DPF2: variants seen among roughly 807,000 people sequenced by gnomAD.
DPF2 encodes the protein zinc finger protein ubi-d4.
In DPF2, 10 loss-of-function variants were observed where a neutral mutation model predicts 59.6. The ratio of observed to expected loss-of-function variants is 0.17; its 90% confidence interval spans 0.10 to 0.28. DPF2 has a LOEUF of 0.28. Among genes scored for constraint, DPF2 ranks in the 10% least tolerant of loss-of-function variants. DPF2 has a pLI of 1.00. For synonymous variants in DPF2, 189 were observed against 190.6 expected (o/e 0.99, Z 0.07); for missense variants, 315 against 509.4 (o/e 0.62, Z 3.67).
chr11:65,340,355 A>G (rs373715640), intron 1 of DPF2, 30 bp from the exon 2 acceptor site: 69 of 1,611,696 alleles, frequency 4.3e-5, no homozygotes, highest in Non-Finnish European at 5.8e-5. Context: ...CCGCTCCAAC[A>G]TACACGCCTG....
chr11:65,346,408 T>C, intron 9 of DPF2, 49 bp downstream of exon 9: 1 of 1,540,662 alleles, frequency 6.5e-7, no homozygotes, highest in Middle Eastern at 1.7e-4. Context: ...GGGCTTTTAC[T>C]GCTGTTTGCA....
At position 65,353,695 on chromosome 11, in the gene DPF2, T is replaced by C. The variant is rs1252159455; in HGVS notation, c.*1936T>C. 1.3e-5 allele frequency among the ~76,000 whole-genome samples: 2 copies of C among 152,380 alleles called. No individual in the cohort carries two copies. The highest frequency in any genetic ancestry group is 2.1e-4 in the South Asian group (1 of 4,834). Reference sequence around the variant, plus strand: ...AGGAAAGATTTGAATCAAGCAGTTATGGGCCCCCTGAAGTATCCTTTTTTC... The same window carrying C: ...AGGAAAGATTTGAATCAAGCAGTTACGGGCCCCCTGAAGTATCCTTTTTTC... On this transcript the variant is annotated 3_prime_UTR_variant, in exon 11 of 11. Transcript: ENST00000528416.
rs1394075163 is a variant in DPF2, at chr11:65,353,206, CAATG to C, written c.*1450_*1453del. ...TATAACAATTCTTTGTTATAAAGAA[CAATG>C]AAGCTGTTTTGATCAATACAAAATT... On this transcript the variant is annotated 3_prime_UTR_variant, in exon 11 of 11. Coordinates refer to ENST00000528416, the MANE Select transcript of DPF2 (RefSeq NM_006268.5). 6.6e-6 allele frequency: 1 copy of C among 151,928 alleles called. No individual in the cohort carries two copies. Among genetic ancestry groups the C allele is most frequent in the Non-Finnish European group, 1.5e-5 (1 of 67,988 alleles). 9.4% of individuals were successfully genotyped at this position (151,928 alleles called of 1,614,324 possible). A position where few individuals can be genotyped will look rare whatever the true frequency, so the allele number is the denominator to read the frequency against.
rs968558093 is a variant in DPF2 at position 65,344,495 on chromosome 11, C to T, written c.637+426C>T. ...ACCATCGCCGCTGGGGTTTCTCTCT[C>T]GTTTGCTCTGCTTTCCTGCTGCTGC... On this transcript the variant is annotated intron_variant, in intron 6 of 10. Coordinates refer to ENST00000528416, the MANE Select transcript of DPF2 (RefSeq NM_006268.5). The T allele has an allele frequency of 1.3e-5, 18 of 1,390,806 alleles. No homozygotes were observed. The African/African-American group carries it at 1.4e-4, about 11-fold the overall frequency. The allele number at this position is 1,390,806 out of a possible 1,614,324, so 86.2% of individuals were successfully genotyped here. A position where few individuals can be genotyped will look rare whatever the true frequency, so the allele number is the denominator to read the frequency against.
chr11:65,351,275 C>G (rs768779455), intron 10 of DPF2, among the ~76,000 whole-genome samples: 1 of 152,114 alleles, frequency 6.6e-6, no homozygotes, highest in Non-Finnish European at 1.5e-5. Context: ...TATTAATAAA[C>G]AAGGAATGAC....
intron 4 of DPF2, among the ~76,000 whole-genome samples, chr11:65,343,089 C>T (rs1282036861): frequency 6.6e-6 from 1 of 151,812 alleles, no homozygotes; most frequent in Non-Finnish European, 1.5e-5. Flanking sequence ...CACCTGAGGT[C>T]GGGAGTTCGA....
At chr11:65,349,461 C>T (rs552110928) in intron 10 of DPF2, among the ~76,000 whole-genome samples, 1 of 152,116 alleles carries the variant, frequency 6.6e-6, no homozygotes, top group Non-Finnish European at 1.5e-5. Flanking sequence ...CCACAAGTCC[C>T]CTTCCAGCTG....
intron 4 of DPF2, among the ~76,000 whole-genome samples, chr11:65,342,411 A>G (rs180848953): frequency 6.6e-6 from 1 of 152,130 alleles, no homozygotes; most frequent in Non-Finnish European, 1.5e-5. Flanking sequence ...ATGCCTCTGC[A>G]CTCCAGCCTG....
In DPF2 at chr11:65,342,061, A is replaced by G. The variant is rs545387595; in HGVS notation, c.465+499A>G. 54 of 154,218 alleles carry G rather than the reference A, an allele frequency of 3.5e-4. No homozygotes were observed. In the South Asian group the frequency reaches 4.9e-3, roughly 14 times the overall value. The allele number at this position is 154,218 out of a possible 1,614,324, so 9.6% of individuals were successfully genotyped here. ...TTGAGCCTATGAGTTCGAGACTGCA[A>G]TGAGTCATGATCATGCCACTGCACT... On this transcript the variant is annotated intron_variant, in intron 4 of 10. Transcript: ENST00000528416.
rs185455887 is a variant in DPF2, at chr11:65,346,635, A to G, written c.1017+276A>G. ...TTACATTCTTACAGGAACAACAATA[A>G]GCAAGGATGTAAATGAGATTTGTAT... On this transcript the variant is annotated intron_variant, in intron 9 of 10. Coordinates refer to ENST00000528416, the MANE Select transcript of DPF2 (RefSeq NM_006268.5). 1.4e-5 allele frequency: 5 copies of G among 367,680 alleles called. No individual in the cohort carries two copies. In the Admixed American group the frequency reaches 2.2e-4, roughly 16 times the overall value. 22.8% of individuals were successfully genotyped at this position (367,680 alleles called of 1,614,324 possible).
Position 65,340,394 on chromosome 11 carries a change from GC to G in DPF2, c.43del (p.Gln15SerfsTer34). ...VENVVKLLGE[Q>X]YYKDAMEQCH... is the part of the protein sequence containing the mutation. ...TCTATCTTCCCTGCAGCCTTGGGGA[GC>G]AGTACTACAAAGATGCCATGGAGCA... On this transcript the variant is annotated frameshift_variant, in exon 2 of 11. Coordinates refer to ENST00000528416, the MANE Select transcript of DPF2 (RefSeq NM_006268.5). LOFTEE classifies it high-confidence loss of function. The G allele has an allele frequency of 6.2e-7, 1 of 1,614,066 alleles. No homozygotes were observed. Among genetic ancestry groups the G allele is most frequent in the Middle Eastern group, 1.6e-4 (1 of 6,062 alleles).
rs1342408957 is a variant in DPF2 at position 65,353,529 on chromosome 11, AG to A, written c.*1771del. Among the ~76,000 whole-genome samples the A allele has an allele frequency of 6.6e-6, 1 of 152,342 alleles. No individual in the cohort carries two copies. The highest frequency in any genetic ancestry group is 1.9e-4 in the East Asian group (1 of 5,188). On this transcript the variant is annotated 3_prime_UTR_variant, in exon 11 of 11. Coordinates refer to ENST00000528416, the MANE Select transcript of DPF2 (RefSeq NM_006268.5). ...CTAGGATCTGAACTGCCCGCAGTGC[AG>A]CCCTGCAGCCTTTCCCAGGGCACGT...
chr11:65,350,732 C>T lies in DPF2; in HGVS notation c.1100-951C>T, dbSNP rs546583523. Among the ~76,000 whole-genome samples the T allele has an allele frequency of 2.2e-4, 34 of 151,284 alleles. 1 individual carries two copies. The South Asian group carries it at 6.1e-3, about 27-fold the overall frequency. ...AAAACTGGCTGTGCACTGTGGCTCG[C>T]ATCTGTAATCCCAGCACTTTGGGAT... On this transcript the variant is annotated intron_variant, in intron 10 of 10. Coordinates refer to ENST00000528416, the MANE Select transcript of DPF2 (RefSeq NM_006268.5).
At chr11:65,348,045 G>C (rs1854588628) in intron 9 of DPF2, 1 of 152,372 alleles carries the variant, frequency 6.6e-6, no homozygotes, top group African/African-American at 2.4e-5. Flanking sequence ...TAACACTTGA[G>C]AGGCTGAGGC....
At chr11:65,337,500 TATATAGAGAGAGAGAGAGAGAG>T (rs1854220440) in intron 1 of DPF2, among the ~76,000 whole-genome samples, 1 of 40,268 alleles carries the variant, frequency 2.5e-5, no homozygotes, top group Non-Finnish European at 4.4e-5. Context: ...TATATATATA[TATATAGAGAGAGAGAGAGAGAG>T]AGAGAGAGAG....
Position 65,343,983 on chromosome 11 carries a change from C to G in DPF2, c.559-8C>G. The G allele has an allele frequency of 1.2e-6, 2 of 1,614,174 alleles. No homozygotes were observed. The highest frequency in any genetic ancestry group is 1.7e-6 in the Non-Finnish European group (2 of 1,180,014). On this transcript the variant is annotated splice_region_variant and splice_polypyrimidine_tract_variant and intron_variant, in intron 5 of 10. Transcript: ENST00000528416. ...AAAATAAGGGTGTCTCTTTGCTCTT[C>G]TTGGCAGGGTAAGGGTGTGGGCAGT...
At chr11:65,337,509 A>G (rs1316150601) in intron 1 of DPF2, among the ~76,000 whole-genome samples, 1 of 79,496 alleles carries the variant, frequency 1.3e-5, no homozygotes, top group Admixed American at 1.6e-4. Flanking sequence ...ATATATAGAG[A>G]GAGAGAGAGA....
chr11:65,339,089 A>G (rs1043899070), intron 1 of DPF2, among the ~76,000 whole-genome samples: 7 of 152,270 alleles, frequency 4.6e-5, no homozygotes, highest in African/African-American at 1.7e-4. Flanking sequence ...TACTATGAGA[A>G]ATAAATCAAT....
At chr11:65,351,515 T>C (rs1854696905) in intron 10 of DPF2, among the ~76,000 whole-genome samples, 168 bp from the exon 11 acceptor site, 1 of 152,238 alleles carries the variant, frequency 6.6e-6, no homozygotes, top group Non-Finnish European at 1.5e-5. Context: ...TTTGAAGACT[T>C]AGAGGTTTAT....
Sources: gnomAD v4.1 joint callset for allele counts (sites outside exome capture counted in the v4.1 genomes callset) on GRCh38, gnomAD v4.1.1 for gene constraint, MANE v1.5 for transcripts, NCBI Gene and HGNC (gene_info 2026-07-23, HGNC 2026-07-21) for gene names.